Variants in MAST2 observed in about 807,000 individuals in gnomAD.
The protein encoded by MAST2 is microtubule-associated serine/threonine-protein kinase 2.
In MAST2, 70 loss-of-function variants were observed where a neutral mutation model predicts 147.4. That is an observed-to-expected ratio of 0.47 (90% confidence interval 0.39 to 0.58). The LOEUF is 0.58. MAST2 is among the 20% of genes least tolerant of loss of function. The pLI is 0.00. For missense variants in MAST2, 2,080 were observed against 2,302.3 expected, an observed-to-expected ratio of 0.90 and a Z score of 1.98; for synonymous variants, 869 against 896.8, an observed-to-expected ratio of 0.97 and a Z score of 0.55.
chr1:45,891,903 C>T (rs114897515), intron 4 of MAST2, among the ~76,000 whole-genome samples: 86 of 152,252 alleles, frequency 5.6e-4, no homozygotes, highest in Non-Finnish European at 7.2e-4. Flanking sequence ...AGAAATACCA[C>T]ATTTCACTTG....
chr1:45,963,712 G>A (rs1003449144), intron 5 of MAST2, among the ~76,000 whole-genome samples: 1 of 152,188 alleles, frequency 6.6e-6, no homozygotes, highest in African/African-American at 2.4e-5. Flanking sequence ...TGCAAACAGG[G>A]ACAATTTGAC....
chr1:45,915,660 A>T (rs1428600051), intron 4 of MAST2, among the ~76,000 whole-genome samples: 1 of 150,582 alleles, frequency 6.6e-6, no homozygotes, highest in Non-Finnish European at 1.5e-5. Context: ...CAGTGAGCCG[A>T]GATGGCGCCA....
At chr1:46,004,493 T>G (rs1645405144) in intron 7 of MAST2, among the ~76,000 whole-genome samples, 1 of 152,230 alleles carries the variant, frequency 6.6e-6, no homozygotes, top group Non-Finnish European at 1.5e-5. Flanking sequence ...TTAGGATTCT[T>G]TAAAATACCA....
intron 1 of MAST2, among the ~76,000 whole-genome samples, chr1:45,818,168 TG>T (rs972004105): frequency 6.6e-6 from 1 of 152,212 alleles, no homozygotes; most frequent in African/African-American, 2.4e-5. Flanking sequence ...GGGTCCTTTT[TG>T]TTGACCAATG....
intron 3 of MAST2, among the ~76,000 whole-genome samples, chr1:45,830,498 C>T (rs1302361627): frequency 6.6e-6 from 1 of 152,074 alleles, no homozygotes; most frequent in African/African-American, 2.4e-5. Flanking sequence ...TGATTGCCCT[C>T]TCATGCTGTC....
intron 5 of MAST2, among the ~76,000 whole-genome samples, chr1:45,996,933 G>A (rs889002980): frequency 1.3e-5 from 2 of 152,188 alleles, no homozygotes; most frequent in Non-Finnish European, 2.9e-5. Context: ...AGCCAGCACA[G>A]CATGGAGTAT....
At chr1:45,948,197 A>G (rs1453292621) in intron 4 of MAST2, among the ~76,000 whole-genome samples, 1 of 152,230 alleles carries the variant, frequency 6.6e-6, no homozygotes, top group African/African-American at 2.4e-5. Context: ...ACAGCTAACC[A>G]GAGACGTGAA....
intron 10 of MAST2, among the ~76,000 whole-genome samples, chr1:46,012,463 A>AT (rs1172599621): frequency 2.0e-5 from 3 of 152,190 alleles, no homozygotes; most frequent in African/African-American, 7.2e-5. Flanking sequence ...ATCTTAGGGA[A>AT]TTTGCCATCA....
chr1:45,916,617 GTAT>G (rs1245125998), intron 4 of MAST2, among the ~76,000 whole-genome samples: 2 of 152,028 alleles, frequency 1.3e-5, no homozygotes, highest in East Asian at 3.8e-4. Context: ...AAACAAATTG[GTAT>G]TATTGTTGAT....
chr1:45,827,010 A>T (rs1479230729), intron 2 of MAST2, among the ~76,000 whole-genome samples: 1 of 151,898 alleles, frequency 6.6e-6, no homozygotes, highest in African/African-American at 2.4e-5. Flanking sequence ...TTGTATTTTT[A>T]GTAGAGACGG....
At chr1:45,936,336 G>A (rs1407866978) in intron 4 of MAST2, among the ~76,000 whole-genome samples, 2 of 152,102 alleles carry the variant, frequency 1.3e-5, no homozygotes, top group African/African-American at 2.4e-5. Context: ...GTAATTGTCT[G>A]TGAAGAGAGA....
chr1:45,983,438 A>G (rs1416128209), intron 5 of MAST2, among the ~76,000 whole-genome samples: 2 of 151,336 alleles, frequency 1.3e-5, no homozygotes, highest in Non-Finnish European at 2.9e-5. Context: ...GATACCCCCT[A>G]ACTCCTTTTC....
At chr1:45,855,714 G>A (rs112987882) in intron 3 of MAST2, among the ~76,000 whole-genome samples, 1 of 152,084 alleles carries the variant, frequency 6.6e-6, no homozygotes, top group African/African-American at 2.4e-5. Flanking sequence ...TGTATCCGGT[G>A]AGTTTGCTGA....
At chr1:46,004,676 A>T (rs1645412889) in intron 7 of MAST2, among the ~76,000 whole-genome samples, 1 of 152,228 alleles carries the variant, frequency 6.6e-6, no homozygotes, top group African/African-American at 2.4e-5. Context: ...ATTCTATGAG[A>T]GAAAATGTGC....
chr1:45,915,449 G>A (rs1381061270), intron 4 of MAST2, among the ~76,000 whole-genome samples: 2 of 152,154 alleles, frequency 1.3e-5, no homozygotes, highest in Non-Finnish European at 2.9e-5. Context: ...GGTGGCTTAC[G>A]CCAGTAATCC....
intron 5 of MAST2, among the ~76,000 whole-genome samples, chr1:45,964,288 A>G (rs1557973466): frequency 1.3e-5 from 2 of 152,212 alleles, no homozygotes; most frequent in African/African-American, 4.8e-5. Context: ...TTCAGAAGGA[A>G]TAGTACCAGC....
At chr1:45,939,429 T>G (rs1181446535) in intron 4 of MAST2, among the ~76,000 whole-genome samples, 1 of 152,138 alleles carries the variant, frequency 6.6e-6, no homozygotes, top group Non-Finnish European at 1.5e-5. Context: ...TACTAAGTTT[T>G]GAAATCAGGT....
At chr1:45,854,079 C>A (rs1423378364) in intron 3 of MAST2, among the ~76,000 whole-genome samples, 2 of 152,118 alleles carry the variant, frequency 1.3e-5, no homozygotes, top group Non-Finnish European at 2.9e-5. Flanking sequence ...TGGCTCATGC[C>A]TGTAATCTCA....
intron 5 of MAST2, among the ~76,000 whole-genome samples, chr1:45,970,969 T>C (rs1194938575): frequency 6.6e-6 from 1 of 152,164 alleles, no homozygotes; most frequent in Non-Finnish European, 1.5e-5. Context: ...TTCATTTTCT[T>C]ATTGGTGAAT....
Sources: allele counts gnomAD v4.1 joint callset (sites outside exome capture counted in the v4.1 genomes callset), GRCh38; gene constraint gnomAD v4.1.1; transcripts MANE v1.5; gene names NCBI Gene and HGNC (gene_info 2026-07-23, HGNC 2026-07-21).